Variants in ZNF14 observed in about 807,000 individuals in gnomAD.
ZNF14 encodes the protein zinc finger protein 14.
In ZNF14, 9 loss-of-function variants were observed where a neutral mutation model predicts 11.3. That is an observed-to-expected ratio of 0.80 (90% CI 0.48 to 1.39). ZNF14 has a LOEUF of 1.39. ZNF14 is among the 40% of genes most tolerant of loss of function. The pLI, the probability that ZNF14 is intolerant of heterozygous loss-of-function variation, is 0.00. For synonymous variants in ZNF14, 239 were observed against 245.7 expected (o/e 0.97, Z 0.25); for missense variants, 711 against 763.9 (o/e 0.93, Z 0.82).
At chr19:19,732,907 A>G (rs1369961225) in intron 1 of ZNF14, 49 bp downstream of exon 1, 1 of 1,610,548 alleles carries the variant, frequency 6.2e-7, no homozygotes, top group African/African-American at 1.3e-5. Flanking sequence ...TCGGCCACAG[A>G]CGGTTCCAAC....
intron 1 of ZNF14, among the ~76,000 whole-genome samples, chr19:19,723,284 T>C (rs141295988): frequency 3.9e-5 from 6 of 151,946 alleles, no homozygotes; most frequent in South Asian, 2.1e-4. Context: ...GTTTTTAGCA[T>C]GAAGGAAGGG....
At position 19,712,824 on chromosome 19, in the gene ZNF14, G is replaced by A. The variant is rs752317208; in HGVS notation, c.457C>T (p.His153Tyr). Residue 153 changes from histidine (H) to tyrosine (Y), a missense_variant, in exon 4 of 4, where the codon CAC (histidine) becomes TAC (tyrosine). Transcript: ENST00000344099. ...CTTTCATGTTTGCGAAAGCAGTGGT[G>A]ATAACTGAAGGTTTTCCCAACTGCT... Reference protein sequence around the residue: ...CKAVGKTFSYHHCFRKHERTH... With the variant: ...CKAVGKTFSYYHCFRKHERTH... 1 of 1,614,162 alleles carries A rather than the reference G, an allele frequency of 6.2e-7. No homozygotes were observed. The highest frequency in any genetic ancestry group is 8.5e-7 in the Non-Finnish European group (1 of 1,180,022).
Position 19,712,124 on chromosome 19 carries a change from G to A in ZNF14, c.1157C>T (p.Thr386Ile). Residue 386 changes from threonine to isoleucine, a missense_variant, in exon 4 of 4, where the codon ACT (threonine) becomes ATT (isoleucine). Thr to Ile is a moderately conservative substitution (Grantham distance 89). Transcript: ENST00000344099. ...TTTACACTCATAAGGTTTCTCTCCA[G>A]TATGAGTTCTTTCATGCAATCGAAG... Reference protein sequence around the residue: ...ISLRLHERTHTGEKPYECKQC... With the variant: ...ISLRLHERTHIGEKPYECKQC... 1.2e-6 allele frequency: 2 copies of A among 1,613,936 alleles called. No homozygotes were observed. Among genetic ancestry groups the A allele is most frequent in the Middle Eastern group, 1.7e-4 (1 of 6,060 alleles).
intron 1 of ZNF14, among the ~76,000 whole-genome samples, chr19:19,715,613 CAT>C (rs1180224018): frequency 6.6e-6 from 1 of 152,188 alleles, no homozygotes; most frequent in Non-Finnish European, 1.5e-5. Flanking sequence ...GGAACGACAA[CAT>C]GTTTTACGAC....
At position 19,725,379 on chromosome 19, in the gene ZNF14, TTTTC is replaced by T. The variant is rs1426998346; in HGVS notation, c.3+7573_3+7576del. 1.5e-5 allele frequency among the ~76,000 whole-genome samples: 2 copies of T among 134,126 alleles called. 1 individual carries two copies. The highest frequency in any genetic ancestry group is 3.3e-5 in the Non-Finnish European group (2 of 60,290). The allele number at this position is 134,126 out of a possible 152,430, so 88.0% of individuals were successfully genotyped here. On this transcript the variant is annotated intron_variant, in intron 1 of 3. Coordinates refer to ENST00000344099, the MANE Select transcript of ZNF14 (RefSeq NM_021030.3). The stretch of plus-strand genomic sequence containing the variant: ...ATATGAAATTCTGGGTTGAAAATTC[TTTTC>T]TTTAAGAATGTTGAATATTGGCCCC...
At position 19,733,065 on chromosome 19, in the gene ZNF14, A is replaced by G; in HGVS notation, c.-107T>C. On this transcript the variant is annotated 5_prime_UTR_variant, in exon 1 of 4. Coordinates refer to ENST00000344099, the MANE Select transcript of ZNF14 (RefSeq NM_021030.3). ...AGAGCCACCTTCGGCCTTCAGGAGC[A>G]GGTGAAACGCAATCTTCCCATGGGC... 7.0e-7 allele frequency: 1 copy of G among 1,431,820 alleles called. No individual in the cohort carries two copies. The highest frequency in any genetic ancestry group is 9.6e-7 in the Non-Finnish European group (1 of 1,044,664). 88.7% of individuals were successfully genotyped at this position (1,431,820 alleles called of 1,614,324 possible).
intron 2 of ZNF14, 85 bp from the exon 3 acceptor site, chr19:19,714,236 C>A: frequency 6.3e-7 from 1 of 1,581,910 alleles, no homozygotes; most frequent in East Asian, 2.2e-5. Context: ...TTAGCTGTGA[C>A]TGTCTGATTC....
chr19:19,712,564 T>C lies in ZNF14; in HGVS notation c.717A>G (p.Gln239=), dbSNP rs540388101. 9 of 1,612,914 alleles carry C rather than the reference T, an allele frequency of 5.6e-6. No homozygotes were observed. Among genetic ancestry groups the C allele is most frequent in the East Asian group, 4.5e-5 (2 of 44,874 alleles). Residue 239 remains glutamine, a synonymous_variant, in exon 4 of 4, where the codon CAA becomes CAG. Coordinates refer to ENST00000344099, the MANE Select transcript of ZNF14 (RefSeq NM_021030.3). ...GKAFICYQSF[Q]RHKRTHTGEK... is the part of the protein sequence containing the mutation. Reference sequence around the variant, plus strand: ...CTCCAGTGTGAGTCCTTTTGTGTCTTTGAAAAGATTGGTAACATATAAAGG... The same window carrying C: ...CTCCAGTGTGAGTCCTTTTGTGTCTCTGAAAAGATTGGTAACATATAAAGG...
At chr19:19,727,645 A>G (rs987526011) in intron 1 of ZNF14, among the ~76,000 whole-genome samples, 3 of 133,698 alleles carry the variant, frequency 2.2e-5, no homozygotes, top group Non-Finnish European at 5.0e-5. Flanking sequence ...TTTTTTGAAC[A>G]ACTGCCAGAA....
Position 19,712,610 on chromosome 19 carries a change from T to G in ZNF14, c.671A>C (p.Glu224Ala). 6.2e-7 allele frequency: 1 copy of G among 1,613,856 alleles called. No homozygotes were observed. Among genetic ancestry groups the G allele is most frequent in the Non-Finnish European group, 8.5e-7 (1 of 1,179,932 alleles). The stretch of plus-strand genomic sequence containing the variant: ...AAAGGCTTTCCCACACTGTTTACAT[T>G]CATAGGGTTTCTTTCCAGTATGAGC... ...KHAHTGKKPY[E>A]CKQCGKAFIC... is the part of the protein sequence containing the mutation. Residue 224 changes from glutamate (E) to alanine (A), a missense_variant, in exon 4 of 4, where the codon GAA becomes GCA. By Grantham distance (107) the Glu-to-Ala change is moderately radical. Transcript: ENST00000344099.
intron 1 of ZNF14, 112 bp downstream of exon 1, chr19:19,732,844 G>C: frequency 7.1e-7 from 1 of 1,414,606 alleles, no homozygotes; most frequent in East Asian, 2.5e-5. Flanking sequence ...CTGCGCCCGC[G>C]GTGGCCCCCG....
intron 1 of ZNF14, among the ~76,000 whole-genome samples, chr19:19,716,358 G>A (rs971955421): frequency 1.6e-4 from 25 of 152,170 alleles, no homozygotes; most frequent in East Asian, 3.9e-4. Flanking sequence ...GCGTGATCTC[G>A]GCTCACTGCA....
chr19:19,716,963 C>T (rs1327005006), intron 1 of ZNF14, among the ~76,000 whole-genome samples: 2 of 152,120 alleles, frequency 1.3e-5, no homozygotes, highest in East Asian at 1.9e-4. Flanking sequence ...GAAGGTGAAC[C>T]GTTTTTTGTC....
rs2062362643 is a variant in ZNF14 at position 19,712,094 on chromosome 19, C to G, written c.1187G>C (p.Cys396Ser). 1.2e-6 allele frequency: 2 copies of G among 1,613,434 alleles called. No individual in the cohort carries two copies. The highest frequency in any genetic ancestry group is 1.7e-6 in the Non-Finnish European group (2 of 1,179,872). ...ACTTGAAAAACTGAAGGTTTTATGACACTGTTTACACTCATAAGGTTTCTC... is the reference window on the plus strand; with the variant it reads ...ACTTGAAAAACTGAAGGTTTTATGAGACTGTTTACACTCATAAGGTTTCTC... ...TGEKPYECKQ[C>S]HKTFSFSSSL... The change falls in exon 4 of 4, where the codon TGT (cysteine) becomes TCT (serine). Residue 396 changes from cysteine to serine, a missense_variant. Coordinates refer to ENST00000344099, the MANE Select transcript of ZNF14 (RefSeq NM_021030.3).
At chr19:19,726,813 C>T (rs553075639) in intron 1 of ZNF14, among the ~76,000 whole-genome samples, 3 of 133,378 alleles carry the variant, frequency 2.2e-5, no homozygotes, top group East Asian at 2.1e-4. Flanking sequence ...GCCTTGCTGC[C>T]GACTTGCAGT....
intron 1 of ZNF14, among the ~76,000 whole-genome samples, chr19:19,728,636 C>T (rs186031597): frequency 7.7e-6 from 1 of 130,540 alleles, no homozygotes; most frequent in African/African-American, 2.8e-5. Flanking sequence ...AATCTGAACT[C>T]GAAGGAAGTA....
chr19:19,712,869 T>C lies in ZNF14; in HGVS notation c.412A>G (p.Lys138Glu). ...ACTGCTTTACATTTACATGGTTGCT[T>C]TTCATATTCCTGATACTCATTTGGT... is the stretch of plus-strand genomic sequence containing the variant. ...QKPNEYQEYE[K>E]QPCKCKAVGK... Residue 138 changes from lysine to glutamate, a missense_variant, in exon 4 of 4, where the codon AAG becomes GAG. By Grantham distance (56) the Lys-to-Glu change is moderately conservative. Coordinates refer to ENST00000344099, the MANE Select transcript of ZNF14 (RefSeq NM_021030.3). 6.2e-7 allele frequency: 1 copy of C among 1,614,220 alleles called. No homozygotes were observed. Among genetic ancestry groups the C allele is most frequent in the Non-Finnish European group, 8.5e-7 (1 of 1,180,038 alleles).
In ZNF14 at chr19:19,712,308, G is replaced by A; in HGVS notation, c.973C>T (p.His325Tyr). 1 of 1,613,986 alleles carries A rather than the reference G, an allele frequency of 6.2e-7. No individual in the cohort carries two copies. Among genetic ancestry groups the A allele is most frequent in the Non-Finnish European group, 8.5e-7 (1 of 1,180,008 alleles). The change falls in exon 4 of 4, where the codon CAT becomes TAT. Residue 325 changes from histidine to tyrosine, a missense_variant. His to Tyr is a moderately conservative substitution (Grantham distance 83, BLOSUM62 2). Transcript: ENST00000344099. ...AFFYSASFRA[H>Y]VIIHTGARPY... ...CGAGCCCCAGTGTGTATTATTACAT[G>A]TGCTCGAAAGCTTGCAGAATAAAAG...
Position 19,711,659 on chromosome 19 carries a change from A to G in ZNF14, c.1622T>C (p.Leu541Pro), listed in dbSNP as rs1386567858. 19 of 1,613,628 alleles carry G rather than the reference A, an allele frequency of 1.2e-5. No homozygotes were observed. The highest frequency in any genetic ancestry group is 1.6e-5 in the Non-Finnish European group (19 of 1,179,886). ...FECKQCGKAF[L>P]RSSQIRLHER... ...ATGCAATCGAATTTGACTGGAACGA[A>G]GGAAGGCCTTACCACATTGCTTACA... Residue 541 changes from leucine to proline, a missense_variant, in exon 4 of 4, where the codon CTT becomes CCT. Transcript: ENST00000344099.
Sources: allele counts gnomAD v4.1 joint callset (sites outside exome capture counted in the v4.1 genomes callset), GRCh38; gene constraint gnomAD v4.1.1; transcripts MANE v1.5; gene names NCBI Gene and HGNC (gene_info 2026-07-23, HGNC 2026-07-21).